Variants in EFCAB7 observed in about 807,000 individuals in gnomAD.
EFCAB7 encodes EF-hand calcium-binding domain-containing protein 7.
A neutral mutation model predicts 77.1 loss-of-function variants in EFCAB7; 66 were observed. The observed-to-expected ratio is 0.86, with a 90% confidence interval of 0.70 to 1.05. The LOEUF (loss-of-function observed/expected upper bound fraction) is 1.05, where lower values mean the gene tolerates loss of function less well. Ranked by LOEUF, EFCAB7 falls within the 50% of genes least tolerant of loss-of-function variation. The pLI is 0.00. For missense variants in EFCAB7, 638 were observed against 730.5 expected (o/e 0.87, Z 1.46); for synonymous variants, 225 against 243.3 (o/e 0.92, Z 0.70).
intron 6 of EFCAB7, among the ~76,000 whole-genome samples, chr1:63,542,541 A>G (rs528560924): frequency 2.6e-5 from 4 of 152,326 alleles, no homozygotes; most frequent in East Asian, 1.9e-4. Context: ...ATTATTCACA[A>G]TGCTTCACCA....
chr1:63,525,447 A>G, intron 1 of EFCAB7, 125 bp from the exon 2 acceptor site: 1 of 696,672 alleles, frequency 1.4e-6, no homozygotes, highest in East Asian at 3.2e-5. Flanking sequence ...ATCTTTTCAT[A>G]TATGTTATAA....
At chr1:63,554,068 C>G (rs1646998046) in intron 8 of EFCAB7, among the ~76,000 whole-genome samples, 1 of 152,132 alleles carries the variant, frequency 6.6e-6, no homozygotes, top group Admixed American at 6.5e-5. Flanking sequence ...AGCAATCTTT[C>G]CACCTTGGCT....
rs1570385266 is a variant in EFCAB7 at position 63,532,761 on chromosome 1, A to G, written c.486+5A>G. 1 of 1,587,720 alleles carries G rather than the reference A, an allele frequency of 6.3e-7. No individual in the cohort carries two copies. The highest frequency in any genetic ancestry group is 8.6e-7 in the Non-Finnish European group (1 of 1,169,034). The stretch of plus-strand genomic sequence containing the variant: ...GGCAAATTTGACTACATCAAGGTAC[A>G]TAAGCTCACATTGATGTAAATTTAC... On this transcript the variant is annotated splice_donor_5th_base_variant and intron_variant, in intron 4 of 13. Transcript: ENST00000371088.
chr1:63,525,624 C>T lies in EFCAB7; in HGVS notation c.52C>T (p.Pro18Ser), dbSNP rs139665471. 26 of 1,595,520 alleles carry T rather than the reference C, an allele frequency of 1.6e-5. No homozygotes were observed. In the African/African-American group the frequency reaches 2.5e-4, roughly 15 times the overall value. The change falls in exon 2 of 14, where the codon CCT becomes TCT. Residue 18 changes from proline (P) to serine (S), a missense_variant. Coordinates refer to ENST00000371088, the MANE Select transcript of EFCAB7 (RefSeq NM_032437.4). ...DATFSSQKST[P>S]SESPRTKKFP... ...AACTTTCTCCAGTCAGAAATCAACACCTTCAGAGAGTCCTCGAACAAAGAA... is the reference window on the plus strand; with the variant it reads ...AACTTTCTCCAGTCAGAAATCAACATCTTCAGAGAGTCCTCGAACAAAGAA...
intron 8 of EFCAB7, among the ~76,000 whole-genome samples, chr1:63,552,734 G>A (rs12239606): frequency 0.25 from 38,752 of 152,050 alleles, 6,585 homozygotes; most frequent in African/African-American, 0.49. Context: ...GCTTACTACA[G>A]TATCATATTT....
At chr1:63,533,317 A>G in intron 4 of EFCAB7, 137 bp from the exon 5 acceptor site, 1 of 635,896 alleles carries the variant, frequency 1.6e-6, no homozygotes, top group Non-Finnish European at 2.6e-6. Flanking sequence ...GATTCAAAAA[A>G]ATAAAATGCG....
At chr1:63,524,405 G>T (rs760638168) in intron 1 of EFCAB7, among the ~76,000 whole-genome samples, 30 of 152,080 alleles carry the variant, frequency 2.0e-4, no homozygotes, top group Non-Finnish European at 3.2e-4. Context: ...TCAGGCAGGC[G>T]GCCTGCGTAT....
intron 7 of EFCAB7, chr1:63,550,743 A>G (rs1205247236): frequency 6.6e-6 from 1 of 152,134 alleles, no homozygotes; most frequent in Admixed American, 6.5e-5. Context: ...GCTTTGAACC[A>G]GGATGTTGGT....
intron 7 of EFCAB7, chr1:63,549,887 T>C (rs1371770507): frequency 6.4e-6 from 1 of 156,518 alleles, no homozygotes; most frequent in African/African-American, 2.4e-5. Flanking sequence ...TTGGGTTTAT[T>C]TATTTATAAA....
In EFCAB7 at chr1:63,562,494, T is replaced by TAA. The variant is rs1557687334; in HGVS notation, c.1497+640_1497+641dup. Among the ~76,000 whole-genome samples, 75 of 102,036 alleles carry TAA rather than the reference T, an allele frequency of 7.4e-4. 1 individual carries two copies. The highest frequency in any genetic ancestry group is 3.6e-3 in the African/African-American group (67 of 18,488). 66.9% of individuals were successfully genotyped at this position (102,036 alleles called of 152,430 possible). On this transcript the variant is annotated intron_variant, in intron 11 of 13. Transcript: ENST00000371088. ...ATATATATATATATATATATATATATAAAACTTTTTTTTTTTTTAATTTGA... is the reference window on the plus strand; with the variant it reads ...ATATATATATATATATATATATATATAAAAAACTTTTTTTTTTTTTAATTTGA...
Position 63,534,162 on chromosome 1 carries a change from C to G in EFCAB7, c.750C>G (p.Thr250=). 1 of 1,613,252 alleles carries G rather than the reference C, an allele frequency of 6.2e-7. No homozygotes were observed. Among genetic ancestry groups the G allele is most frequent in the Admixed American group, 1.7e-5 (1 of 59,970 alleles). The change falls in exon 6 of 14, where the codon ACC becomes ACG. Residue 250 remains threonine, a synonymous_variant. Coordinates refer to ENST00000371088, the MANE Select transcript of EFCAB7 (RefSeq NM_032437.4). The part of the protein sequence containing the change: ...KFKTSVSFTV[T]MGANGNRNSK... ...AAACATCTGTTTCCTTCACAGTTAC[C>G]ATGGGGGCTAATGGTAACCGAAACT...
chr1:63,534,119 CAGCAACCAGGAAGTTCAAAACAT>C lies in EFCAB7; in HGVS notation c.708_730del (p.Ala237CysfsTer10). 1.2e-6 allele frequency: 2 copies of C among 1,613,242 alleles called. No individual in the cohort carries two copies. Among genetic ancestry groups the C allele is most frequent in the Admixed American group, 3.3e-5 (2 of 59,986 alleles). ...GGTGACACCAGGAGTTCTTTACTGT[CAGCAACCAGGAAGTTCAAAACAT>C]CTGTTTCCTTCACAGTTACCATGGG... On this transcript the variant is annotated frameshift_variant, in exon 6 of 14. Coordinates refer to ENST00000371088, the MANE Select transcript of EFCAB7 (RefSeq NM_032437.4). LOFTEE classifies it high-confidence loss of function.
At chr1:63,564,709 T>A (rs887107249) in intron 11 of EFCAB7, among the ~76,000 whole-genome samples, 8 of 123,206 alleles carry the variant, frequency 6.5e-5, no homozygotes, top group Admixed American at 1.7e-4. Flanking sequence ...AGAAAAAAAA[T>A]TTTAAAATTC....
In EFCAB7 at chr1:63,571,221, G is replaced by T. The variant is rs1647248603; in HGVS notation, c.1815+93G>T. On this transcript the variant is annotated intron_variant, in intron 13 of 13. Transcript: ENST00000371088. ...ATGAGTAAAATGTAAATATAAAATG[G>T]AGTGGAAAATTATTTTAAGTATGAT... 4 of 779,040 alleles carry T rather than the reference G, an allele frequency of 5.1e-6. No individual in the cohort carries two copies. The South Asian group carries it at 7.0e-5, about 14-fold the overall frequency. The allele number at this position is 779,040 out of a possible 1,614,324, so 48.3% of individuals were successfully genotyped here.
chr1:63,524,773 A>G (rs1034545400), intron 1 of EFCAB7, among the ~76,000 whole-genome samples: 3 of 152,130 alleles, frequency 2.0e-5, no homozygotes, highest in East Asian at 1.9e-4. Context: ...GCTGGGTGAC[A>G]TTGCTACCCC....
rs754111103 is a variant in EFCAB7 at position 63,557,123 on chromosome 1, A to G, written c.1224A>G (p.Leu408=). The part of the protein sequence containing the change: ...LFLTKEFKST[L]SDIFEVIDLD... ...ATTTTTATAATTTTAGGTCTACTTT[A>G]TCAGATATATTTGAAGTAATTGATT... Residue 408 remains leucine, a synonymous_variant, in exon 10 of 14, where the codon TTA becomes TTG. Coordinates refer to ENST00000371088, the MANE Select transcript of EFCAB7 (RefSeq NM_032437.4). 1.9e-6 allele frequency: 3 copies of G among 1,581,540 alleles called. No homozygotes were observed. Among genetic ancestry groups the G allele is most frequent in the East Asian group, 2.3e-5 (1 of 44,048 alleles).
rs182386513 is a variant in EFCAB7, at chr1:63,549,699, A to G, written c.947-2026A>G. On this transcript the variant is annotated intron_variant, in intron 7 of 13. Coordinates refer to ENST00000371088, the MANE Select transcript of EFCAB7 (RefSeq NM_032437.4). ...CATCTACTAAAAAATTTTATTTTAC[A>G]CATGTCAAGGGATTACTTATAACTT... The G allele has an allele frequency of 9.5e-4, 270 of 283,424 alleles. 3 individuals are homozygous for G. In the Middle Eastern group the frequency reaches 0.02, roughly 21 times the overall value. 17.6% of individuals were successfully genotyped at this position (283,424 alleles called of 1,614,324 possible).
intron 2 of EFCAB7, among the ~76,000 whole-genome samples, chr1:63,527,050 C>A (rs1646604980): frequency 6.6e-6 from 1 of 152,224 alleles, no homozygotes; most frequent in Non-Finnish European, 1.5e-5. Flanking sequence ...TAGGCGTGAG[C>A]CACCACGCCT....
chr1:63,557,616 T>G (rs1570428717), intron 10 of EFCAB7, among the ~76,000 whole-genome samples: 1 of 152,222 alleles, frequency 6.6e-6, no homozygotes, highest in Non-Finnish European at 1.5e-5. Flanking sequence ...GCTAGAGTTT[T>G]ACTCACAAAT....
Sources: allele counts gnomAD v4.1 joint callset (sites outside exome capture counted in the v4.1 genomes callset), GRCh38; gene constraint gnomAD v4.1.1; transcripts MANE v1.5; gene names NCBI Gene and HGNC (gene_info 2026-07-23, HGNC 2026-07-21).